CCDC30: variants seen among roughly 807,000 people sequenced by gnomAD.
CCDC30 encodes coiled-coil domain-containing protein 30.
In CCDC30, 70 loss-of-function variants were observed where a neutral mutation model predicts 100.2. The observed-to-expected ratio is 0.70, with a 90% confidence interval of 0.58 to 0.85. The LOEUF (loss-of-function observed/expected upper bound fraction) is 0.85. Ranked by LOEUF, CCDC30 falls within the 40% of genes least tolerant of loss-of-function variation. The probability of loss-of-function intolerance (pLI) is 0.00; values close to 1 mark genes in which losing one functional copy is unlikely to be tolerated. For synonymous variants in CCDC30, 233 were observed against 269.5 expected (o/e 0.86, Z 1.33); for missense variants, 652 against 771.2 (o/e 0.85, Z 1.83).
chr1:42,460,142 TTAAA>T, upstream of CCDC30: 1 of 1,283,870 alleles, frequency 7.8e-7, no homozygotes, highest in Non-Finnish European at 9.8e-7. Flanking sequence ...TTAATCACCT[TTAAA>T]AAGAAGAGCT....
chr1:42,527,851 TTTTCTTTCTTTC>T (rs1344137961), intron 6 of CCDC30, among the ~76,000 whole-genome samples: 1 of 151,940 alleles, frequency 6.6e-6, no homozygotes, highest in Admixed American at 6.6e-5. Context: ...TTTTTTTTCT[TTTTCTTTCTTTC>T]TTTCTTTTTT....
intron 3 of CCDC30, among the ~76,000 whole-genome samples, chr1:42,486,767 C>A (rs1188593972): frequency 6.6e-6 from 1 of 152,128 alleles, no homozygotes; most frequent in East Asian, 1.9e-4. Flanking sequence ...CCTCTTAGCA[C>A]ATCACCAAAC....
chr1:42,471,007 G>A (rs1643753317), intron 1 of CCDC30, among the ~76,000 whole-genome samples: 1 of 152,196 alleles, frequency 6.6e-6, no homozygotes, highest in Non-Finnish European at 1.5e-5. Flanking sequence ...AGCATAGAAG[G>A]TGTTAGAGGG....
intron 7 of CCDC30, among the ~76,000 whole-genome samples, chr1:42,571,845 A>T (rs554630186): frequency 6.6e-6 from 1 of 152,362 alleles, no homozygotes; most frequent in East Asian, 1.9e-4. Flanking sequence ...AGCACTCTAC[A>T]CACTTGAGCA....
intron 11 of CCDC30, among the ~76,000 whole-genome samples, chr1:42,635,042 C>T (rs1004877052): frequency 6.6e-6 from 1 of 151,782 alleles, no homozygotes; most frequent in Non-Finnish European, 1.5e-5. Context: ...ATGGATATAC[C>T]GTATTTGGTT....
rs1014278452 is a variant in CCDC30, at chr1:42,596,474, A to G, written c.1164+6991A>G. Among the ~76,000 whole-genome samples, 1 of 152,088 alleles carries G rather than the reference A, an allele frequency of 6.6e-6. No homozygotes were observed. Among genetic ancestry groups the G allele is most frequent in the Non-Finnish European group, 1.5e-5 (1 of 68,014 alleles). ...CTAACAGACCTAGCGGAATAGAAAT[A>G]TCCAACTCCAGCCAACTCTAGCCAT... On this transcript the variant is annotated intron_variant, in intron 10 of 16. Coordinates refer to ENST00000668663, the Ensembl canonical transcript of CCDC30. This position sits in a 1 kb window ranked among gnomAD's most constrained non-coding sequence, Gnocchi z 4.3.
intron 6 of CCDC30, among the ~76,000 whole-genome samples, chr1:42,553,440 A>T (rs72659984): frequency 0.14 from 20,588 of 151,890 alleles, 1,531 homozygotes; most frequent in East Asian, 0.17. Flanking sequence ...AAATAGGGGG[A>T]AAGTGTGTCT....
intron 7 of CCDC30, among the ~76,000 whole-genome samples, chr1:42,573,530 T>C (rs1270379255): frequency 2.0e-5 from 3 of 152,142 alleles, no homozygotes; most frequent in Admixed American, 6.5e-5. Context: ...AGTAATCATA[T>C]CATCTAAAGA....
chr1:42,508,311 C>T (rs1157536535), intron 6 of CCDC30, among the ~76,000 whole-genome samples: 1 of 152,178 alleles, frequency 6.6e-6, no homozygotes, highest in East Asian at 1.9e-4. Flanking sequence ...CATTGCAAGG[C>T]AACCCAAAGG....
intron 6 of CCDC30, 66 bp downstream of exon 9, chr1:42,545,645 A>G: frequency 7.0e-7 from 1 of 1,421,252 alleles, no homozygotes; most frequent in African/African-American, 1.5e-5. Flanking sequence ...TGGCTTGATC[A>G]TTATAAGAAT....
At chr1:42,459,712 A>G (rs1569624038), upstream of CCDC30, 1 of 1,614,194 alleles carries the variant, frequency 6.2e-7, no homozygotes, top group Non-Finnish European at 8.5e-7. Flanking sequence ...ATTGTAATTA[A>G]TCGAGCTCGG....
At chr1:42,622,459 C>T (rs188994821) in intron 11 of CCDC30, among the ~76,000 whole-genome samples, 290 of 152,214 alleles carry the variant, frequency 1.9e-3, no homozygotes, top group African/African-American at 6.9e-3. Context: ...TACTCAGCAG[C>T]GGGATTGCTC....
At chr1:42,510,094 G>A in intron 6 of CCDC30, 1 of 985,422 alleles carries the variant, frequency 1.0e-6, no homozygotes, top group African/African-American at 1.7e-5. Context: ...AATGTAGATG[G>A]TGGGCAGGAA....
intron 6 of CCDC30, among the ~76,000 whole-genome samples, chr1:42,524,697 A>G (rs572912698): frequency 1.3e-5 from 2 of 152,218 alleles, no homozygotes; most frequent in African/African-American, 2.4e-5. Flanking sequence ...TGCCTGCCAC[A>G]GGGGTGGAGG....
rs537288455 is a variant in CCDC30, at chr1:42,505,592, C to A, written c.456+6676C>A. Among the ~76,000 whole-genome samples, 30 of 152,256 alleles carry A rather than the reference C, an allele frequency of 2.0e-4. No homozygotes were observed. The East Asian group carries it at 5.8e-3, about 29-fold the overall frequency. ...TTGGCCTGATTATTTGCATAAAGTG[C>A]AACAAGAATAATTATTTCTACATAG... On this transcript the variant is annotated intron_variant, in intron 6 of 16. Coordinates refer to ENST00000668663, the Ensembl canonical transcript of CCDC30.
intron 15 of CCDC30, among the ~76,000 whole-genome samples, chr1:42,652,295 C>G (rs185076143): frequency 6.6e-6 from 1 of 151,998 alleles, no homozygotes; most frequent in African/African-American, 2.4e-5. Flanking sequence ...GAGCAAAATG[C>G]TGGTTACCAG....
chr1:42,458,997 G>A (rs1009432051), upstream of CCDC30, among the ~76,000 whole-genome samples: 2 of 152,168 alleles, frequency 1.3e-5, no homozygotes, highest in African/African-American at 4.8e-5. Flanking sequence ...CTGTTTATTT[G>A]AGGGTTTGGT....
At chr1:42,567,666 T>G (rs1271945337) in intron 7 of CCDC30, among the ~76,000 whole-genome samples, 2 of 152,164 alleles carry the variant, frequency 1.3e-5, no homozygotes, top group Non-Finnish European at 2.9e-5. Flanking sequence ...TTCTAAATCT[T>G]TATCACATGT....
chr1:42,534,284 T>G (rs1194959108), intron 6 of CCDC30, among the ~76,000 whole-genome samples: 1 of 151,950 alleles, frequency 6.6e-6, no homozygotes, highest in African/African-American at 2.4e-5. Context: ...GCATCTCAGG[T>G]GCCATAAGGG....
Sources: allele counts gnomAD v4.1 joint callset (sites outside exome capture counted in the v4.1 genomes callset), GRCh38; gene constraint gnomAD v4.1.1; non-coding constraint Gnocchi (gnomAD v3.1); transcripts MANE v1.5; gene names NCBI Gene and HGNC (gene_info 2026-07-23, HGNC 2026-07-21).